Variants in CHSY3 observed in about 807,000 individuals in gnomAD.
CHSY3 encodes chondroitin sulfate synthase 3.
A neutral mutation model predicts 67.2 loss-of-function variants in CHSY3; 35 were observed. The ratio of observed to expected loss-of-function variants is 0.52; its 90% CI spans 0.40 to 0.69. The LOEUF is 0.69. CHSY3 is among the 30% of genes least tolerant of loss of function. The pLI is 0.00. For missense variants in CHSY3, 1,069 were observed against 1,138.5 expected (o/e 0.94, Z 0.88); for synonymous variants, 474 against 434.7 (o/e 1.09, Z -1.12).
chr5:130,056,009 T>G (rs948421404), intron 2 of CHSY3, among the ~76,000 whole-genome samples: 1 of 152,190 alleles, frequency 6.6e-6, no homozygotes, highest in African/African-American at 2.4e-5. Context: ...TAATGTTGCC[T>G]GAATCTGATG....
At chr5:130,095,243 C>T (rs751377165) in intron 2 of CHSY3, among the ~76,000 whole-genome samples, 1 of 152,160 alleles carries the variant, frequency 6.6e-6, no homozygotes, top group African/African-American at 2.4e-5. Context: ...TAGCAATGAG[C>T]ATGTTCAGTG....
At chr5:130,065,737 AT>A (rs950560680) in intron 2 of CHSY3, among the ~76,000 whole-genome samples, 1 of 152,124 alleles carries the variant, frequency 6.6e-6, no homozygotes, top group African/African-American at 2.4e-5. Flanking sequence ...CAATGATCCA[AT>A]TTGTGAATAT....
chr5:129,989,465 G>T (rs1763298503), intron 2 of CHSY3, among the ~76,000 whole-genome samples: 1 of 151,918 alleles, frequency 6.6e-6, no homozygotes, highest in Non-Finnish European at 1.5e-5. Context: ...TTTTATTAAG[G>T]AAACCACTCC....
At chr5:130,160,876 C>T (rs1479900505) in intron 2 of CHSY3, among the ~76,000 whole-genome samples, 2 of 150,222 alleles carry the variant, frequency 1.3e-5, no homozygotes, top group Admixed American at 1.3e-4. Flanking sequence ...AAATACTGAT[C>T]ATTTTTATTT....
chr5:129,905,897 G>C, intron 1 of CHSY3: 2 of 701,876 alleles, frequency 2.8e-6, no homozygotes, highest in East Asian at 2.9e-5. Context: ...CCTCGCGCTT[G>C]TCCCTTAGTC....
chr5:130,006,915 G>C (rs1364137275), intron 2 of CHSY3, among the ~76,000 whole-genome samples: 3 of 152,112 alleles, frequency 2.0e-5, no homozygotes, highest in Non-Finnish European at 4.4e-5. Flanking sequence ...ACTAGATATT[G>C]GTGTCTGTCA....
At chr5:130,122,776 T>A (rs577469634) in intron 2 of CHSY3, among the ~76,000 whole-genome samples, 53 of 152,362 alleles carry the variant, frequency 3.5e-4, no homozygotes, top group Non-Finnish European at 6.2e-4. Context: ...GGAATAAGCT[T>A]GTTAAAGCCT....
At chr5:130,130,088 G>A (rs962431237) in intron 2 of CHSY3, among the ~76,000 whole-genome samples, 1 of 152,080 alleles carries the variant, frequency 6.6e-6, no homozygotes. Context: ...TCTAGCTTTT[G>A]TAAACTGTTT....
chr5:130,121,941 C>T lies in CHSY3; in HGVS notation c.1087-62288C>T, dbSNP rs149486510. ...GTGATCCTGGACATGTCCGTCTGGG[C>T]TCAGCACCCTCAGCTGCACAGTTCA... On this transcript the variant is annotated intron_variant, in intron 2 of 2. Coordinates refer to ENST00000305031, the MANE Select transcript of CHSY3 (RefSeq NM_175856.5). Among the ~76,000 whole-genome samples, 585 of 152,062 alleles carry T rather than the reference C, an allele frequency of 3.8e-3. 17 individuals are homozygous for T. Among genetic ancestry groups the T allele is most frequent in the Admixed American group, 0.03 (460 of 15,260 alleles).
chr5:130,162,473 G>A (rs1190562672), intron 2 of CHSY3, among the ~76,000 whole-genome samples: 3 of 152,122 alleles, frequency 2.0e-5, no homozygotes, highest in Non-Finnish European at 4.4e-5. Context: ...GAAATCAGCT[G>A]CTTCCTAATA....
At position 129,982,883 on chromosome 5, in the gene CHSY3, T is replaced by G. The variant is rs1005388297; in HGVS notation, c.1086+74523T>G. 2.9e-4 allele frequency among the ~76,000 whole-genome samples: 44 copies of G among 152,266 alleles called. No homozygotes were observed. In the East Asian group the frequency reaches 8.5e-3, roughly 29 times the overall value. ...TGATAGCTACTTAGCAAAGCAGCTT[T>G]AAGAGTTACATAAGCGAATATACAT... On this transcript the variant is annotated intron_variant, in intron 2 of 2. Transcript: ENST00000305031.
At chr5:130,095,387 G>C (rs1296566645) in intron 2 of CHSY3, among the ~76,000 whole-genome samples, 1 of 152,178 alleles carries the variant, frequency 6.6e-6, no homozygotes, top group East Asian at 1.9e-4. Flanking sequence ...ACTGGAAAGT[G>C]CCAGGTGCTA....
intron 2 of CHSY3, among the ~76,000 whole-genome samples, chr5:130,149,655 C>T (rs1304550753): frequency 6.6e-6 from 1 of 152,148 alleles, no homozygotes; most frequent in Non-Finnish European, 1.5e-5. Flanking sequence ...CATATGGTGG[C>T]AACCCATTAT....
intron 2 of CHSY3, among the ~76,000 whole-genome samples, chr5:129,916,369 G>A (rs891383161): frequency 1.1e-4 from 17 of 152,126 alleles, no homozygotes; most frequent in African/African-American, 7.2e-5. Context: ...CCCCCAAACC[G>A]CGGAGCACAG....
At chr5:129,976,069 G>C in intron 2 of CHSY3, among the ~76,000 whole-genome samples, 1 of 152,074 alleles carries the variant, frequency 6.6e-6, no homozygotes, top group East Asian at 1.9e-4. Flanking sequence ...AATAAAACCA[G>C]TTTTATTCAA....
Position 130,056,056 on chromosome 5 carries a change from C to T in CHSY3, c.1087-128173C>T, listed in dbSNP as rs568618482. ...TCTCCTTTGTGGAAGAGGTAAATGC[C>T]TATAATGCTGTATCTAAGAATTGAA... On this transcript the variant is annotated intron_variant, in intron 2 of 2. Transcript: ENST00000305031. Among the ~76,000 whole-genome samples, 5 of 152,180 alleles carry T rather than the reference C, an allele frequency of 3.3e-5. No homozygotes were observed. In the East Asian group the frequency reaches 5.8e-4, roughly 18 times the overall value.
At chr5:129,916,990 C>A (rs566320837) in intron 2 of CHSY3, among the ~76,000 whole-genome samples, 2 of 152,204 alleles carry the variant, frequency 1.3e-5, no homozygotes, top group East Asian at 3.9e-4. Flanking sequence ...AAGTAAGCCT[C>A]TTCTTTTGTT....
At chr5:130,173,512 A>G (rs1337861455) in intron 2 of CHSY3, among the ~76,000 whole-genome samples, 2 of 152,204 alleles carry the variant, frequency 1.3e-5, no homozygotes, top group Non-Finnish European at 1.5e-5. Flanking sequence ...GTATACACAC[A>G]TGGATTTAGT....
At chr5:130,085,285 G>A (rs1228211250) in intron 2 of CHSY3, among the ~76,000 whole-genome samples, 1 of 151,930 alleles carries the variant, frequency 6.6e-6, no homozygotes, top group African/African-American at 2.4e-5. Context: ...ACACATATTT[G>A]ATCAAATAAT....
Sources: gnomAD v4.1 joint callset for allele counts (sites outside exome capture counted in the v4.1 genomes callset) on GRCh38, gnomAD v4.1.1 for gene constraint, MANE v1.5 for transcripts, NCBI Gene and HGNC (gene_info 2026-07-23, HGNC 2026-07-21) for gene names.